Variants in STRN observed in about 807,000 individuals in gnomAD.
STRN encodes the protein protein phosphatase 2 regulatory subunit B'''alpha.
Under a neutral mutation model 96.3 loss-of-function variants are expected in STRN, and 53 were observed. The observed-to-expected ratio is 0.55, with a 90% CI of 0.44 to 0.69. The LOEUF is 0.69. Ranked by LOEUF, STRN falls within the 30% of genes least tolerant of loss-of-function variation. STRN has a pLI of 0.00. For synonymous variants in STRN, 428 were observed against 355.9 expected (o/e 1.20, Z -2.28); for missense variants, 987 against 963.9 (o/e 1.02, Z -0.32).
chr2:36,927,211 A>C (rs1670433384), intron 1 of STRN, among the ~76,000 whole-genome samples: 2 of 152,162 alleles, frequency 1.3e-5, no homozygotes, highest in African/African-American at 4.8e-5. Flanking sequence ...ATTACAATTA[A>C]AAGTATAATC....
chr2:36,954,690 G>A (rs1361424170), intron 1 of STRN, among the ~76,000 whole-genome samples: 1 of 151,028 alleles, frequency 6.6e-6, no homozygotes, highest in East Asian at 2.0e-4. Flanking sequence ...GGAGTGGAGT[G>A]AAATGGCGTG....
intron 10 of STRN, among the ~76,000 whole-genome samples, chr2:36,874,912 C>A (rs1204417499): frequency 2.0e-5 from 3 of 151,920 alleles, no homozygotes; most frequent in Non-Finnish European, 4.4e-5. Flanking sequence ...GACAGTCAGA[C>A]ATGCAGAAAA....
At chr2:36,913,772 A>C (rs896148606) in intron 3 of STRN, among the ~76,000 whole-genome samples, 1 of 152,204 alleles carries the variant, frequency 6.6e-6, no homozygotes, top group Non-Finnish European at 1.5e-5. Flanking sequence ...ACATACTGAG[A>C]ATAACTAGGT....
chr2:36,894,792 A>C (rs1669495529), intron 6 of STRN, among the ~76,000 whole-genome samples: 2 of 152,226 alleles, frequency 1.3e-5, no homozygotes, highest in Admixed American at 1.3e-4. Flanking sequence ...CAGACAGACC[A>C]ATAGGATAGA....
chr2:36,907,462 C>A (rs1669853366), intron 3 of STRN, among the ~76,000 whole-genome samples: 1 of 151,946 alleles, frequency 6.6e-6, no homozygotes, highest in Non-Finnish European at 1.5e-5. Context: ...GCAGAAGAAT[C>A]GCTTGAACCT....
At chr2:36,954,286 G>T (rs1489607733) in intron 1 of STRN, among the ~76,000 whole-genome samples, 1 of 151,988 alleles carries the variant, frequency 6.6e-6, no homozygotes, top group Non-Finnish European at 1.5e-5. Context: ...TGAGGCAGAT[G>T]GATCACTTGA....
intron 1 of STRN, among the ~76,000 whole-genome samples, chr2:36,947,993 T>G (rs1251577047): frequency 1.3e-5 from 2 of 150,944 alleles, no homozygotes; most frequent in Non-Finnish European, 2.9e-5. Flanking sequence ...AATTAATTAT[T>G]AAATCAAAAA....
At chr2:36,899,689 T>C in intron 5 of STRN, 31 bp from the exon 6 acceptor site, 4 of 1,538,188 alleles carry the variant, frequency 2.6e-6, no homozygotes, top group Non-Finnish European at 2.6e-6. Flanking sequence ...CCTGCTTAGT[T>C]AATCTTTTTA....
intron 16 of STRN, 98 bp from the exon 17 acceptor site, chr2:36,849,898 CTG>C (rs1668177504): frequency 8.8e-7 from 1 of 1,140,542 alleles, no homozygotes; most frequent in African/African-American, 1.5e-5. Context: ...TCATCCCTCT[CTG>C]TGTGCTTACT....
chr2:36,957,742 GTCTTTTTTTTTTT>G (rs1436089794), intron 1 of STRN, among the ~76,000 whole-genome samples: 6 of 103,132 alleles, frequency 5.8e-5, no homozygotes, highest in Admixed American at 2.1e-4. Context: ...TCTTCTTTTT[GTCTTTTTTTTTTT>G]TTTTTTTTTT....
intron 1 of STRN, among the ~76,000 whole-genome samples, chr2:36,951,460 A>G (rs1664750466): frequency 6.6e-6 from 1 of 152,242 alleles, no homozygotes; most frequent in Admixed American, 6.5e-5. Context: ...CAAGCAGCAA[A>G]AGGGACAGAT....
chr2:36,854,914 T>C (rs1668306566), intron 15 of STRN, among the ~76,000 whole-genome samples: 1 of 152,210 alleles, frequency 6.6e-6, no homozygotes, highest in Non-Finnish European at 1.5e-5. Flanking sequence ...TAGAATTTCC[T>C]ATTCAGAATA....
intron 9 of STRN, among the ~76,000 whole-genome samples, chr2:36,878,842 T>A (rs1668990901): frequency 6.6e-6 from 1 of 152,108 alleles, no homozygotes. Flanking sequence ...AACCTCCACC[T>A]CCTGGGTTCA....
chr2:36,884,324 C>T lies in STRN; in HGVS notation c.1043-249G>A, dbSNP rs1254944414. Among the ~76,000 whole-genome samples the T allele has an allele frequency of 2.0e-5, 3 of 152,130 alleles. 1 individual carries two copies. The South Asian group carries it at 6.2e-4, about 32-fold the overall frequency. ...TTTACATAAAAAAGAATGCTCGTGT[C>T]CAGTTAGACCATGAAAAATAACATT... On this transcript the variant is annotated intron_variant, in intron 8 of 17. Coordinates refer to ENST00000263918, the MANE Select transcript of STRN (RefSeq NM_003162.4).
chr2:36,934,496 G>A (rs1267671245), intron 1 of STRN, among the ~76,000 whole-genome samples: 1 of 152,064 alleles, frequency 6.6e-6, no homozygotes, highest in Non-Finnish European at 1.5e-5. Context: ...CTTCTATAAC[G>A]TATGATTTTG....
At chr2:36,928,697 C>G (rs1302233644) in intron 1 of STRN, among the ~76,000 whole-genome samples, 1 of 139,758 alleles carries the variant, frequency 7.2e-6, no homozygotes, top group Non-Finnish European at 1.5e-5. Flanking sequence ...GTAATCCCAG[C>G]ACTTTGGGAG....
chr2:36,870,277 G>A (rs1333683322), intron 10 of STRN, among the ~76,000 whole-genome samples: 2 of 142,146 alleles, frequency 1.4e-5, no homozygotes, highest in African/African-American at 2.6e-5. Context: ...TCCCTCCATG[G>A]TAACTCAATC....
chr2:36,940,299 T>C (rs11691236), intron 1 of STRN, among the ~76,000 whole-genome samples: 4,628 of 152,252 alleles, frequency 0.03, 103 homozygotes, highest in East Asian at 0.12. Context: ...TATTAGTCAA[T>C]ATTAATAAAC....
rs569107355 is a variant in STRN, at chr2:36,947,153, C to T, written c.234+19077G>A. 1.4e-4 allele frequency among the ~76,000 whole-genome samples: 22 copies of T among 152,284 alleles called. No homozygotes were observed. The East Asian group carries it at 4.2e-3, about 29-fold the overall frequency. ...ATTCATGATCTGCCTGCCTCGGCCT[C>T]CCAAAGTTCTGGGATTACAGGCATG... On this transcript the variant is annotated intron_variant, in intron 1 of 17. Coordinates refer to ENST00000263918, the MANE Select transcript of STRN (RefSeq NM_003162.4).
Sources: gnomAD v4.1 joint callset for allele counts (sites outside exome capture counted in the v4.1 genomes callset) on GRCh38, gnomAD v4.1.1 for gene constraint, MANE v1.5 for transcripts, NCBI Gene and HGNC (gene_info 2026-07-23, HGNC 2026-07-21) for gene names.